FAM107B: variants seen among roughly 807,000 people sequenced by gnomAD.
FAM107B encodes family with sequence similarity 107 member B.
FAM107B carries 21 observed loss-of-function variants against 31.5 expected under a neutral mutation model. The observed-to-expected ratio is 0.67, with a 90% CI of 0.47 to 0.96. The LOEUF is 0.96. FAM107B is among the 40% of genes least tolerant of loss of function. FAM107B has a pLI of 0.00. For missense variants in FAM107B, 452 were observed against 377.1 expected (o/e 1.20, Z -1.64); for synonymous variants, 157 against 141.5 (o/e 1.11, Z -0.78).
chr10:14,687,115 G>A (rs1451897764), intron 1 of FAM107B, among the ~76,000 whole-genome samples: 1 of 152,186 alleles, frequency 6.6e-6, no homozygotes, highest in Non-Finnish European at 1.5e-5. Context: ...AACAAAAGTT[G>A]TTTTCTAAAT....
At position 14,664,256 on chromosome 10, in the gene FAM107B, T is replaced by C. The variant is rs180789296; in HGVS notation, c.469+3378A>G. Among the ~76,000 whole-genome samples, 527 of 152,344 alleles carry C rather than the reference T, an allele frequency of 3.5e-3. 1 individual carries two copies. Among genetic ancestry groups the C allele is most frequent in the Admixed American group, 5.1e-3 (78 of 15,298 alleles). On this transcript the variant is annotated intron_variant, in intron 2 of 4. Coordinates refer to ENST00000181796, the MANE Select transcript of FAM107B (RefSeq NM_031453.4). ...CATAGTATCCTGCTTTCTCTAAAACTTACATTTTACTATTTAAAGGCTACC... is the reference window on the plus strand; with the variant it reads ...CATAGTATCCTGCTTTCTCTAAAACCTACATTTTACTATTTAAAGGCTACC...
intron 3 of FAM107B, chr10:14,527,999 CTTTT>C (rs57985098): frequency 5.2e-5 from 16 of 307,270 alleles, no homozygotes; most frequent in East Asian, 1.1e-4. Flanking sequence ...TCTGCCTTTT[CTTTT>C]TTTTTTTTTT....
At chr10:14,644,809 C>T (rs1190424497) in intron 2 of FAM107B, among the ~76,000 whole-genome samples, 1 of 152,154 alleles carries the variant, frequency 6.6e-6, no homozygotes, top group African/African-American at 2.4e-5. Context: ...TTTTGTGCAT[C>T]GGACAGGAGA....
At chr10:14,677,577 C>T (rs1231296135) in intron 1 of FAM107B, among the ~76,000 whole-genome samples, 1 of 151,888 alleles carries the variant, frequency 6.6e-6, no homozygotes, top group Admixed American at 6.6e-5. Flanking sequence ...GCAGAGATGG[C>T]GCCACTGCAC....
intron 1 of FAM107B, among the ~76,000 whole-genome samples, chr10:14,694,272 T>A (rs1855213976): frequency 6.6e-6 from 1 of 152,240 alleles, no homozygotes; most frequent in Non-Finnish European, 1.5e-5. Flanking sequence ...GTTCTATTTT[T>A]AATTTCTTTA....
Position 14,774,494 on chromosome 10 carries a change from A to G in FAM107B, c.170T>C (p.Val57Ala), listed in dbSNP as rs371995592. The G allele has an allele frequency of 7.4e-6, 12 of 1,614,016 alleles. No individual in the cohort carries two copies. Among genetic ancestry groups the G allele is most frequent in the African/African-American group, 6.7e-5 (5 of 74,900 alleles). The change falls in exon 1 of 5, where the codon GTG (valine) becomes GCG (alanine). Residue 57 changes from valine to alanine, a missense_variant. Physicochemically the swap from Val to Ala is moderately conservative, Grantham distance 64 (BLOSUM62 0). Transcript: ENST00000181796. ...TCTTGGCTGTCTGCCTGCTTTGGCC[A>G]CAGGCTGCACACGGACGGTGGAATG... ...DTHSTVRVQP[V>A]AKAGRQPRHP...
chr10:14,767,372 A>G (rs1246933989), intron 1 of FAM107B, among the ~76,000 whole-genome samples: 3 of 151,830 alleles, frequency 2.0e-5, no homozygotes, highest in Non-Finnish European at 4.4e-5. Flanking sequence ...GATTACAGGC[A>G]TGAGCCACCG....
chr10:14,712,282 T>TA (rs1055772534), intron 1 of FAM107B, among the ~76,000 whole-genome samples: 15 of 151,166 alleles, frequency 9.9e-5, no homozygotes, highest in East Asian at 1.9e-4. Flanking sequence ...ATTAAAAAAT[T>TA]AAAAAAAAAT....
In FAM107B at chr10:14,609,008, C is replaced by T. The variant is rs116495882; in HGVS notation, c.469+58626G>A. On this transcript the variant is annotated intron_variant, in intron 2 of 4. Transcript: ENST00000181796. Reference sequence around the variant, plus strand: ...ACTTTGGTATTCAACATAAAACCCACAAAGACAGATACAATACATTGGTAT... The same window carrying T: ...ACTTTGGTATTCAACATAAAACCCATAAAGACAGATACAATACATTGGTAT... Among the ~76,000 whole-genome samples the T allele has an allele frequency of 1.1e-3, 160 of 152,314 alleles. 2 individuals carry two copies. Among genetic ancestry groups the T allele is most frequent in the African/African-American group, 3.6e-3 (149 of 41,578 alleles).
In FAM107B at chr10:14,565,271, T is replaced by C. The variant is rs543684011; in HGVS notation, c.470-34756A>G. ...ACAAAGGAGTAGCAATGAAGTGTGC[T>C]GGGTTTTAACAGAGGAAGCCGAGGT... is the stretch of plus-strand genomic sequence containing the variant. On this transcript the variant is annotated intron_variant, in intron 2 of 4. Transcript: ENST00000181796. 2.0e-4 allele frequency among the ~76,000 whole-genome samples: 30 copies of C among 152,284 alleles called. No homozygotes were observed. In the East Asian group the frequency reaches 5.4e-3, roughly 27 times the overall value.
At chr10:14,713,031 C>G (rs1855688878) in intron 1 of FAM107B, among the ~76,000 whole-genome samples, 1 of 152,150 alleles carries the variant, frequency 6.6e-6, no homozygotes, top group Non-Finnish European at 1.5e-5. Flanking sequence ...CCTGCTCCTC[C>G]CCTCCCCTTT....
chr10:14,583,154 G>A (rs1445289013), intron 2 of FAM107B, among the ~76,000 whole-genome samples: 2 of 151,954 alleles, frequency 1.3e-5, no homozygotes, highest in East Asian at 1.9e-4. Context: ...CCTGGAAGGT[G>A]GGCCCGGCAG....
At position 14,774,809 on chromosome 10, in the gene FAM107B, T is replaced by C; in HGVS notation, c.-146A>G. ...GGTTGCCCCTAAATAGAAGTTGGGATGGCAAGGCCACCTTCCCTGAGAGTC... is the reference window on the plus strand; with the variant it reads ...GGTTGCCCCTAAATAGAAGTTGGGACGGCAAGGCCACCTTCCCTGAGAGTC... On this transcript the variant is annotated 5_prime_UTR_variant, in exon 1 of 5. Transcript: ENST00000181796. The C allele has an allele frequency of 1.1e-6, 1 of 899,340 alleles. No homozygotes were observed. 55.7% of individuals were successfully genotyped at this position (899,340 alleles called of 1,614,324 possible).
At chr10:14,553,098 C>T (rs1849404252) in intron 2 of FAM107B, among the ~76,000 whole-genome samples, 1 of 152,202 alleles carries the variant, frequency 6.6e-6, no homozygotes, top group South Asian at 2.1e-4. Flanking sequence ...GTTAATATTA[C>T]TGATAGTAAG....
At chr10:14,658,415 T>G (rs988871005) in intron 2 of FAM107B, among the ~76,000 whole-genome samples, 1 of 152,248 alleles carries the variant, frequency 6.6e-6, no homozygotes. Context: ...GTCTGACCCA[T>G]GTCTGACTCA....
chr10:14,565,718 G>T (rs1161495755), intron 2 of FAM107B, among the ~76,000 whole-genome samples: 6 of 152,316 alleles, frequency 3.9e-5, no homozygotes, highest in Admixed American at 6.5e-5. Flanking sequence ...TCAGCAGGGT[G>T]GCAAAAGTGT....
intron 2 of FAM107B, among the ~76,000 whole-genome samples, chr10:14,649,806 T>C (rs1375216887): frequency 6.6e-6 from 1 of 152,260 alleles, no homozygotes; most frequent in Non-Finnish European, 1.5e-5. Flanking sequence ...TGGTCACTCA[T>C]ATTTGGCTCG....
At chr10:14,731,457 A>G (rs756400682) in intron 1 of FAM107B, among the ~76,000 whole-genome samples, 3 of 152,228 alleles carry the variant, frequency 2.0e-5, no homozygotes, top group Admixed American at 6.5e-5. Flanking sequence ...AGCTACTTGG[A>G]AGGCTGAGAC....
At chr10:14,597,125 T>C (rs531525702) in intron 2 of FAM107B, among the ~76,000 whole-genome samples, 3 of 152,156 alleles carry the variant, frequency 2.0e-5, no homozygotes, top group East Asian at 3.8e-4. Context: ...GTGTTTCAAA[T>C]AGAATCAAGT....
Sources: gnomAD v4.1 joint callset for allele counts (sites outside exome capture counted in the v4.1 genomes callset) on GRCh38, gnomAD v4.1.1 for gene constraint, MANE v1.5 for transcripts, NCBI Gene and HGNC (gene_info 2026-07-23, HGNC 2026-07-21) for gene names.